Variants in DOCK4 observed in about 807,000 individuals in gnomAD.
DOCK4 encodes dedicator of cytokinesis protein 4.
DOCK4 carries 97 observed loss-of-function variants against 268.1 expected under a neutral mutation model. The observed-to-expected ratio is 0.36, with a 90% CI of 0.31 to 0.43. The LOEUF is 0.43. Among genes scored for constraint, DOCK4 ranks in the 20% least tolerant of loss-of-function variants. The pLI is 1.00. For missense variants in DOCK4, 2,145 were observed against 2,455.7 expected, an observed-to-expected ratio of 0.87 and a Z score of 2.67; for synonymous variants, 954 against 887.2, an observed-to-expected ratio of 1.08 and a Z score of -1.34.
At chr7:112,097,518 A>G (rs757059951) in intron 1 of DOCK4, among the ~76,000 whole-genome samples, 1 of 152,064 alleles carries the variant, frequency 6.6e-6, no homozygotes, top group Non-Finnish European at 1.5e-5. Context: ...TCAAGGCTGT[A>G]CTCCAGCCTG....
rs374909005 is a variant in DOCK4 at position 111,908,726 on chromosome 7, G to A, written c.1193-6925C>T. 3.3e-5 allele frequency among the ~76,000 whole-genome samples: 5 copies of A among 151,808 alleles called. No individual in the cohort carries two copies. In the East Asian group the frequency reaches 5.9e-4, roughly 18 times the overall value. On this transcript the variant is annotated intron_variant, in intron 13 of 52. Transcript: ENST00000428084. ...CCCCCCACCGCCCCCAGGCCCTGGT[G>A]TGTGATGTTCCCCTCCCGGTGTCCA...
At chr7:112,154,463 A>C (rs1415529778) in intron 1 of DOCK4, among the ~76,000 whole-genome samples, 1 of 151,918 alleles carries the variant, frequency 6.6e-6, no homozygotes, top group Non-Finnish European at 1.5e-5. Flanking sequence ...TCTGAAATAC[A>C]GATTAATGTG....
intron 12 of DOCK4, among the ~76,000 whole-genome samples, chr7:111,925,348 G>C (rs185861697): frequency 1.3e-5 from 2 of 152,138 alleles, no homozygotes; most frequent in African/African-American, 4.8e-5. Context: ...ATTAAAATGA[G>C]GTATTTACAC....
At chr7:111,937,989 A>G (rs1325196618) in intron 11 of DOCK4, among the ~76,000 whole-genome samples, 1 of 152,236 alleles carries the variant, frequency 6.6e-6, no homozygotes, top group African/African-American at 2.4e-5. Context: ...GGTGGTTATT[A>G]TCAGTCATTA....
chr7:111,854,007 C>T (rs1171783105), intron 23 of DOCK4, among the ~76,000 whole-genome samples: 2 of 151,660 alleles, frequency 1.3e-5, no homozygotes, highest in Non-Finnish European at 2.9e-5. Flanking sequence ...GATCTCGGCT[C>T]ACTGCAACCT....
chr7:111,741,324 C>T, intron 46 of DOCK4, 110 bp from the exon 47 acceptor site: 1 of 1,472,624 alleles, frequency 6.8e-7, no homozygotes, highest in African/African-American at 1.4e-5. Context: ...GTTTTGTTTT[C>T]TCCTGTTTGC....
rs149100525 is a variant in DOCK4, at chr7:111,877,382, T to G, written c.1588-196A>C. ...ATAGATTTTTGGACTAAGATTAATT[T>G]GAGTTTGCATCCCAGCTTTGTAACT... is the stretch of plus-strand genomic sequence containing the variant. On this transcript the variant is annotated intron_variant, in intron 16 of 52. Transcript: ENST00000428084. Among the ~76,000 whole-genome samples the G allele has an allele frequency of 1.2e-4, 18 of 152,338 alleles. 1 individual carries two copies. In the East Asian group the frequency reaches 3.5e-3, roughly 29 times the overall value.
chr7:111,936,761 T>C (rs1276924830), intron 11 of DOCK4, among the ~76,000 whole-genome samples: 1 of 152,240 alleles, frequency 6.6e-6, no homozygotes, highest in African/African-American at 2.4e-5. Flanking sequence ...GCAGGTTCTG[T>C]TTCCTAGTGA....
intron 6 of DOCK4, among the ~76,000 whole-genome samples, chr7:111,988,191 C>T (rs759906539): frequency 5.3e-5 from 8 of 152,028 alleles, no homozygotes; most frequent in Non-Finnish European, 1.2e-4. Flanking sequence ...TCTGAAGGTC[C>T]AAATAGCAAA....
chr7:112,087,613 T>C (rs1214888568), intron 1 of DOCK4, among the ~76,000 whole-genome samples: 1 of 152,126 alleles, frequency 6.6e-6, no homozygotes, highest in African/African-American at 2.4e-5. Flanking sequence ...GCTTTGAATT[T>C]TTTCCTTGAA....
intron 12 of DOCK4, among the ~76,000 whole-genome samples, chr7:111,916,370 T>G (rs1359441039): frequency 1.3e-5 from 2 of 152,106 alleles, no homozygotes. Context: ...ACATATTAAT[T>G]TAAGGATTTA....
At chr7:112,182,406 A>G (rs1819135282) in intron 1 of DOCK4, among the ~76,000 whole-genome samples, 1 of 152,218 alleles carries the variant, frequency 6.6e-6, no homozygotes, top group Non-Finnish European at 1.5e-5. Context: ...ATGTGATCAC[A>G]TTTTTAAAAT....
chr7:112,153,034 C>A (rs1386888128), intron 1 of DOCK4, among the ~76,000 whole-genome samples: 1 of 152,004 alleles, frequency 6.6e-6, no homozygotes, highest in East Asian at 1.9e-4. Flanking sequence ...TAAATTAAAG[C>A]CTAAAAAGTT....
intron 1 of DOCK4, among the ~76,000 whole-genome samples, chr7:112,141,759 T>A (rs1586908698): frequency 6.6e-6 from 1 of 152,122 alleles, no homozygotes; most frequent in African/African-American, 2.4e-5. Flanking sequence ...GGTGCAAATG[T>A]CTGTTGGACA....
intron 1 of DOCK4, among the ~76,000 whole-genome samples, chr7:112,114,771 C>T (rs527910218): frequency 6.6e-6 from 1 of 152,150 alleles, no homozygotes; most frequent in Non-Finnish European, 1.5e-5. Flanking sequence ...GTAAAAATTA[C>T]AATCACTACA....
At chr7:112,051,280 ACT>A (rs1563034710) in intron 1 of DOCK4, among the ~76,000 whole-genome samples, 1 of 151,762 alleles carries the variant, frequency 6.6e-6, no homozygotes, top group Non-Finnish European at 1.5e-5. Flanking sequence ...AGGGTTAAAA[ACT>A]CTCTCAGAGG....
intron 25 of DOCK4, among the ~76,000 whole-genome samples, chr7:111,836,056 A>C (rs1008165762): frequency 4.6e-5 from 7 of 152,220 alleles, no homozygotes; most frequent in African/African-American, 1.7e-4. Flanking sequence ...ATTTAACAAA[A>C]GAAATAAAAA....
intron 13 of DOCK4, among the ~76,000 whole-genome samples, chr7:111,907,593 T>A (rs1176793679): frequency 6.6e-6 from 1 of 152,228 alleles, no homozygotes. Flanking sequence ...TCAGTCACTG[T>A]GGCATTCATT....
chr7:111,992,923 A>G (rs1194749644), intron 5 of DOCK4, among the ~76,000 whole-genome samples: 1 of 152,186 alleles, frequency 6.6e-6, no homozygotes, highest in East Asian at 1.9e-4. Context: ...CAAAAAAAAA[A>G]GAAAATTTAA....
Sources: allele counts gnomAD v4.1 joint callset (sites outside exome capture counted in the v4.1 genomes callset), GRCh38; gene constraint gnomAD v4.1.1; transcripts MANE v1.5; gene names NCBI Gene and HGNC (gene_info 2026-07-23, HGNC 2026-07-21).